The following ZIC2 variants were observed in gnomAD, a reference collection of about 807,000 sequenced individuals.
ZIC2 encodes Zic family zinc finger 2.
ZIC2 carries 7 observed loss-of-function variants against 29.5 expected under a neutral mutation model. That is an observed-to-expected ratio of 0.24 (90% confidence interval 0.14 to 0.45). The LOEUF is 0.45. ZIC2 is among the 20% of genes least tolerant of loss of function. The pLI, the probability that ZIC2 is intolerant of heterozygous loss-of-function variation, is 1.00. For synonymous variants in ZIC2, 408 were observed against 354.2 expected (o/e 1.15, Z -1.70); for missense variants, 589 against 781.2 (o/e 0.75, Z 2.93).
rs1197195240 is a variant in ZIC2 at position 99,982,655 on chromosome 13, G to T, written c.591G>T (p.Val197=). 7 of 1,599,300 alleles carry T rather than the reference G, an allele frequency of 4.4e-6. No homozygotes were observed. The highest frequency in any genetic ancestry group is 3.4e-6 in the Non-Finnish European group (4 of 1,179,152). Residue 197 remains valine, a synonymous_variant, in exon 1 of 3, where the codon GTG becomes GTT. Coordinates refer to ENST00000376335, the MANE Select transcript of ZIC2 (RefSeq NM_007129.5). ...GGCGCTCGGAGCAATACCGCCAGGTGGCCAGCCCGCGGACCGACCCCTACT... is the reference window on the plus strand; with the variant it reads ...GGCGCTCGGAGCAATACCGCCAGGTTGCCAGCCCGCGGACCGACCCCTACT... ...VFGRSEQYRQ[V]ASPRTDPYSA...
Position 99,982,535 on chromosome 13 carries a change from C to T in ZIC2, c.471C>T (p.Leu157=). The change falls in exon 1 of 3, where the codon CTC becomes CTT. Residue 157 remains leucine, a synonymous_variant. Transcript: ENST00000376335. Reference sequence around the variant, plus strand: ...CGCACTCGGACGCGCAGGGCCACCTCCTCTTCCCGGGCCTGCCAGAGCAGC... The same window carrying T: ...CGCACTCGGACGCGCAGGGCCACCTTCTCTTCCCGGGCCTGCCAGAGCAGC... ...HHAHSDAQGH[L]LFPGLPEQHG... is the part of the protein sequence containing the mutation. The T allele has an allele frequency of 1.3e-6, 2 of 1,537,970 alleles. No homozygotes were observed. The highest frequency in any genetic ancestry group is 8.7e-7 in the Non-Finnish European group (1 of 1,144,164).
chr13:99,985,493 G>T lies in ZIC2; in HGVS notation c.1410G>T (p.Ala470=). 1.6e-6 allele frequency: 2 copies of T among 1,216,326 alleles called. No homozygotes were observed. Among genetic ancestry groups the T allele is most frequent in the East Asian group, 3.8e-5 (1 of 26,108 alleles). The allele number at this position is 1,216,326 out of a possible 1,614,324, so 75.3% of individuals were successfully genotyped here. ...AAAAAAAAAA[A]VSAVHRGGGS... ...CGGCGGCTGCGGCGGCGGCGGCCGCGGTGTCCGCGGTGCACCGGGGCGGAG... is the reference window on the plus strand; with the variant it reads ...CGGCGGCTGCGGCGGCGGCGGCCGCTGTGTCCGCGGTGCACCGGGGCGGAG... Residue 470 remains alanine, a synonymous_variant, in exon 3 of 3, where the codon GCG becomes GCT. Transcript: ENST00000376335. The surrounding 1 kb of genome is among the most constrained non-coding windows in gnomAD (Gnocchi z 6.3).
Position 99,986,012 on chromosome 13 carries a change from A to G in ZIC2, c.*330A>G, listed in dbSNP as rs1230059349. ...CCACGTTCTTTCCCACCCTGTTCCC[A>G]GTCTTCTGACAAACTGTGTACATAG... is the stretch of plus-strand genomic sequence containing the variant. On this transcript the variant is annotated 3_prime_UTR_variant, in exon 3 of 3. Coordinates refer to ENST00000376335, the MANE Select transcript of ZIC2 (RefSeq NM_007129.5). 2.2e-6 allele frequency: 1 copy of G among 455,166 alleles called. No homozygotes were observed. The highest frequency in any genetic ancestry group is 4.4e-6 in the Non-Finnish European group (1 of 226,758). The allele number at this position is 455,166 out of a possible 1,614,324, so 28.2% of individuals were successfully genotyped here. A position where few individuals can be genotyped will look rare whatever the true frequency, so the allele number is the denominator to read the frequency against.
chr13:99,986,034 A>G lies in ZIC2; in HGVS notation c.*352A>G, dbSNP rs1192948675. On this transcript the variant is annotated 3_prime_UTR_variant, in exon 3 of 3. Transcript: ENST00000376335. ...CCCAGTCTTCTGACAAACTGTGTAC[A>G]TAGCGGACTCCTCCTTTCTCCTCCG... 4 of 456,032 alleles carry G rather than the reference A, an allele frequency of 8.8e-6. No individual in the cohort carries two copies. The highest frequency in any genetic ancestry group is 2.0e-5 in the African/African-American group (1 of 50,066). 28.2% of individuals were successfully genotyped at this position (456,032 alleles called of 1,614,324 possible).
At position 99,985,207 on chromosome 13, in the gene ZIC2, GC is replaced by G. The variant is rs1470844180; in HGVS notation, c.1239+100del. The G allele has an allele frequency of 1.6e-5, 26 of 1,604,064 alleles. No homozygotes were observed. The highest frequency in any genetic ancestry group is 2.2e-5 in the Non-Finnish European group (26 of 1,174,920). On this transcript the variant is annotated intron_variant, in intron 2 of 2. Transcript: ENST00000376335. This position sits in a 1 kb window ranked among gnomAD's most constrained non-coding sequence, Gnocchi z 6.3. ...AGCCGGCCTGGGAGGGTCCCCAGGGGCCAGGGCGGCGGGGGGAACATTTCTG... is the reference window on the plus strand; with the variant it reads ...AGCCGGCCTGGGAGGGTCCCCAGGGGCAGGGCGGCGGGGGGAACATTTCTG...
rs1034409652 is a variant in ZIC2 at position 99,985,833 on chromosome 13, A to T, written c.*151A>T. On this transcript the variant is annotated 3_prime_UTR_variant, in exon 3 of 3. Coordinates refer to ENST00000376335, the MANE Select transcript of ZIC2 (RefSeq NM_007129.5). This position sits in a 1 kb window ranked among gnomAD's most constrained non-coding sequence, Gnocchi z 6.3. ...AATTTTACCAGCAGAAGGATTTTTT[A>T]AAGTTTTTTTTTTTTTTTTAATAAT... 2.8e-5 allele frequency: 9 copies of T among 326,726 alleles called. No individual in the cohort carries two copies. Among genetic ancestry groups the T allele is most frequent in the South Asian group, 6.0e-5 (1 of 16,670 alleles). The allele number at this position is 326,726 out of a possible 1,614,324, so 20.2% of individuals were successfully genotyped here.
rs745408421 is a variant in ZIC2, at chr13:99,982,937, C to T, written c.873C>T (p.His291=). 7 of 1,612,656 alleles carry T rather than the reference C, an allele frequency of 4.3e-6. No homozygotes were observed. The highest frequency in any genetic ancestry group is 3.3e-5 in the South Asian group (3 of 90,990). Residue 291 remains histidine, a synonymous_variant, in exon 1 of 3, where the codon CAC becomes CAT. Transcript: ENST00000376335. ...HELVTHVSVE[H]VGGPEQSNHV... ...TGGTGACACACGTCTCGGTGGAGCA[C>T]GTCGGCGGCCCGGAGCAGAGCAACC...
Position 99,981,988 on chromosome 13 carries a change from G to A in ZIC2, c.-77G>A. 4.2e-6 allele frequency: 5 copies of A among 1,199,566 alleles called. No individual in the cohort carries two copies. The highest frequency in any genetic ancestry group is 2.1e-6 in the Non-Finnish European group (2 of 969,006). The allele number at this position is 1,199,566 out of a possible 1,614,324, so 74.3% of individuals were successfully genotyped here. A position where few individuals can be genotyped will look rare whatever the true frequency, so the allele number is the denominator to read the frequency against. ...GCCTGGAGCCCGGTGGCCGCCGGAC[G>A]CACCGCGCGGATCGGGAGCGGGAGT... On this transcript the variant is annotated 5_prime_UTR_variant, in exon 1 of 3. Coordinates refer to ENST00000376335, the MANE Select transcript of ZIC2 (RefSeq NM_007129.5).
At position 99,982,318 on chromosome 13, in the gene ZIC2, A is replaced by G; in HGVS notation, c.254A>G (p.Tyr85Cys). The G allele has an allele frequency of 6.8e-7, 1 of 1,465,576 alleles. No homozygotes were observed. Among genetic ancestry groups the G allele is most frequent in the Non-Finnish European group, 9.0e-7 (1 of 1,112,008 alleles). 90.8% of individuals were successfully genotyped at this position (1,465,576 alleles called of 1,614,324 possible). Residue 85 changes from tyrosine (Y) to cysteine (C), a missense_variant, in exon 1 of 3, where the codon TAC becomes TGC. By Grantham distance (194) the Tyr-to-Cys change is radical. Transcript: ENST00000376335. ...TTCACGTCGCAGGGCCCCGGCGCCT[A>G]CCCCGGCTCCGCTGCGGCTGCCGCT... ...SAFTSQGPGA[Y>C]PGSAAAAAAA...
At position 99,986,034 on chromosome 13, in the gene ZIC2, A is replaced by C. The variant is rs1192948675; in HGVS notation, c.*352A>C. The C allele has an allele frequency of 4.4e-6, 2 of 456,150 alleles. No individual in the cohort carries two copies. Among genetic ancestry groups the C allele is most frequent in the East Asian group, 1.4e-4 (2 of 14,382 alleles). The allele number at this position is 456,150 out of a possible 1,614,324, so 28.3% of individuals were successfully genotyped here. On this transcript the variant is annotated 3_prime_UTR_variant, in exon 3 of 3. Coordinates refer to ENST00000376335, the MANE Select transcript of ZIC2 (RefSeq NM_007129.5). ...CCCAGTCTTCTGACAAACTGTGTAC[A>C]TAGCGGACTCCTCCTTTCTCCTCCG... is the stretch of plus-strand genomic sequence containing the variant.
chr13:99,984,772 C>T, intron 1 of ZIC2, 174 bp from the exon 2 acceptor site: 1 of 686,386 alleles, frequency 1.5e-6, no homozygotes, highest in Non-Finnish European at 2.5e-6. Context: ...GACTGTCGGG[C>T]GGGAAGGCGG....
In ZIC2 at chr13:99,982,070, C is replaced by T. The variant is rs1219834925; in HGVS notation, c.6C>T (p.Leu2=). Residue 2 remains leucine (L), a synonymous_variant, in exon 1 of 3, where the codon CTC becomes CTT. Coordinates refer to ENST00000376335, the MANE Select transcript of ZIC2 (RefSeq NM_007129.5). The part of the protein sequence containing the change: M[L]LDAGPQFPAI... ...GGCGGGCGGGCGCGCTGGCCATGCT[C>T]CTGGACGCGGGTCCGCAGTTCCCGG... is the stretch of plus-strand genomic sequence containing the variant. The T allele has an allele frequency of 1.4e-5, 17 of 1,246,326 alleles. No individual in the cohort carries two copies. Among genetic ancestry groups the T allele is most frequent in the Non-Finnish European group, 1.7e-5 (17 of 998,008 alleles). The allele number at this position is 1,246,326 out of a possible 1,614,324, so 77.2% of individuals were successfully genotyped here.
Position 99,986,031 on chromosome 13 carries a change from T to C in ZIC2, c.*349T>C. 4.4e-6 allele frequency: 2 copies of C among 456,140 alleles called. No individual in the cohort carries two copies. The highest frequency in any genetic ancestry group is 8.8e-6 in the Non-Finnish European group (2 of 226,958). 28.3% of individuals were successfully genotyped at this position (456,140 alleles called of 1,614,324 possible). A position where few individuals can be genotyped will look rare whatever the true frequency, so the allele number is the denominator to read the frequency against. On this transcript the variant is annotated 3_prime_UTR_variant, in exon 3 of 3. Coordinates refer to ENST00000376335, the MANE Select transcript of ZIC2 (RefSeq NM_007129.5). ...GTTCCCAGTCTTCTGACAAACTGTG[T>C]ACATAGCGGACTCCTCCTTTCTCCT...
chr13:99,984,833 C>A, intron 1 of ZIC2, 113 bp from the exon 2 acceptor site: 1 of 1,368,008 alleles, frequency 7.3e-7, no homozygotes, highest in Non-Finnish European at 1.0e-6. Flanking sequence ...GTTTGAGGGA[C>A]CCAGCCCCCT....
Position 99,982,337 on chromosome 13 carries a change from T to C in ZIC2, c.273T>C (p.Ala91=). ...GPGAYPGSAA[A]AAAAAALGPH... is the part of the protein sequence containing the mutation. ...GCGCCTACCCCGGCTCCGCTGCGGC[T>C]GCCGCTGCGGCCGCAGCGCTCGGGC... The change falls in exon 1 of 3, where the codon GCT becomes GCC. Residue 91 remains alanine (A), a synonymous_variant. Transcript: ENST00000376335. 1 of 1,465,252 alleles carries C rather than the reference T, an allele frequency of 6.8e-7. No individual in the cohort carries two copies. 90.8% of individuals were successfully genotyped at this position (1,465,252 alleles called of 1,614,324 possible).
chr13:99,984,894 G>GC lies in ZIC2; in HGVS notation c.1076-51dup, dbSNP rs558250196. ...CAGCCCCCTCGCAGCCTGAGTGGGG[G>GC]CTCTGCAGGCTCTGGGTGTCTGCAG... On this transcript the variant is annotated intron_variant, in intron 1 of 2. Coordinates refer to ENST00000376335, the MANE Select transcript of ZIC2 (RefSeq NM_007129.5). The GC allele has an allele frequency of 1.1e-4, 180 of 1,612,640 alleles. No individual in the cohort carries two copies. In the African/African-American group the frequency reaches 2.0e-3, roughly 18 times the overall value.
Position 99,984,962 on chromosome 13 carries a change from G to A in ZIC2, c.1092G>A (p.Gln364=). 3.1e-6 allele frequency: 5 copies of A among 1,614,116 alleles called. No homozygotes were observed. The highest frequency in any genetic ancestry group is 4.2e-6 in the Non-Finnish European group (5 of 1,179,982). The change falls in exon 2 of 3, where the codon CAG becomes CAA. Residue 364 remains glutamine, a synonymous_variant. Transcript: ENST00000376335. ...CGTCCACAGGGGAGAAGCCGTTCCA[G>A]TGTGAGTTTGAGGGCTGCGACCGGC... ...KRTHTGEKPF[Q]CEFEGCDRRF...
rs768117425 is a variant in ZIC2, at chr13:99,985,306, C to T, written c.1240-17C>T. The T allele has an allele frequency of 1.3e-5, 20 of 1,598,662 alleles. No individual in the cohort carries two copies. Among genetic ancestry groups the T allele is most frequent in the Non-Finnish European group, 1.6e-5 (19 of 1,179,354 alleles). ...CCCAGTCCCCTCTGGTCCCCCCTCC[C>T]GGCTTTTGTCTTGCAGGTCCATGAG... On this transcript the variant is annotated splice_polypyrimidine_tract_variant and intron_variant, in intron 2 of 2. Coordinates refer to ENST00000376335, the MANE Select transcript of ZIC2 (RefSeq NM_007129.5). This position sits in a 1 kb window ranked among gnomAD's most constrained non-coding sequence, Gnocchi z 6.3.
Position 99,982,727 on chromosome 13 carries a change from G to A in ZIC2, c.663G>A (p.Met221Ile). Residue 221 changes from methionine to isoleucine, a missense_variant, in exon 1 of 3, where the codon ATG becomes ATA. Physicochemically the swap from Met to Ile is conservative, Grantham distance 10. Transcript: ENST00000376335. ...AGTACGGCCCCATGAATATGAACAT[G>A]GGTATGAACATGGCAGCAGCCGCGG... ...HNQYGPMNMN[M>I]GMNMAAAAAH... is the part of the protein sequence containing the mutation. 6.2e-7 allele frequency: 1 copy of A among 1,601,318 alleles called. No individual in the cohort carries two copies. Among genetic ancestry groups the A allele is most frequent in the Non-Finnish European group, 8.5e-7 (1 of 1,179,872 alleles).
Sources: gnomAD v4.1 joint callset for allele counts on GRCh38, gnomAD v4.1.1 for gene constraint, Gnocchi (gnomAD v3.1) non-coding constraint, MANE v1.5 for transcripts, NCBI Gene and HGNC (gene_info 2026-07-23, HGNC 2026-07-21) for gene names.